AQR: variants seen among roughly 807,000 people sequenced by gnomAD.
AQR encodes the protein aquarius intron-binding spliceosomal factor.
Under a neutral mutation model 180.5 loss-of-function variants are expected in AQR, and 61 were observed. The observed-to-expected ratio is 0.34, with a 90% CI of 0.28 to 0.42. The LOEUF (loss-of-function observed/expected upper bound fraction) is 0.42, where lower values mean the gene tolerates loss of function less well. Ranked by LOEUF, AQR falls within the 10% of genes least tolerant of loss-of-function variation. AQR has a pLI of 1.00. For missense variants in AQR, 1,281 were observed against 1,798.3 expected (o/e 0.71, Z 5.20); for synonymous variants, 551 against 588.8 (o/e 0.94, Z 0.93).
At position 34,891,735 on chromosome 15, in the gene AQR, A is replaced by G. The variant is rs546600237; in HGVS notation, c.2572-1411T>C. ...TAGGTTTTTACAGAACAAATTTTAT[A>G]AACAGAAGAAAAAAACTTCTTTTCA... On this transcript the variant is annotated intron_variant, in intron 23 of 34. Transcript: ENST00000156471. 3.3e-5 allele frequency among the ~76,000 whole-genome samples: 5 copies of G among 151,354 alleles called. No homozygotes were observed. The South Asian group carries it at 1.0e-3, about 32-fold the overall frequency.
rs1406934909 is a variant in AQR at position 34,968,610 on chromosome 15, T to C, written c.75+929A>G. ...TGATATGATGAGATTTGCACTTGTA[T>C]GAAATCACTCGGAAAGCAACATGAA... On this transcript the variant is annotated intron_variant, in intron 1 of 34. Transcript: ENST00000156471. Among the ~76,000 whole-genome samples the C allele has an allele frequency of 2.6e-5, 4 of 152,040 alleles. No individual in the cohort carries two copies. The East Asian group carries it at 5.8e-4, about 22-fold the overall frequency.
At chr15:34,939,137 C>T (rs1387049359) in intron 8 of AQR, among the ~76,000 whole-genome samples, 1 of 152,096 alleles carries the variant, frequency 6.6e-6, no homozygotes, top group East Asian at 1.9e-4. Flanking sequence ...GGCGCGATTT[C>T]AGCTCACTGC....
chr15:34,960,786 A>G lies in AQR; in HGVS notation c.161T>C (p.Ile54Thr). 3 of 927,496 alleles carry G rather than the reference A, an allele frequency of 3.2e-6. No individual in the cohort carries two copies. Among genetic ancestry groups the G allele is most frequent in the Non-Finnish European group, 4.9e-6 (3 of 611,076 alleles). The allele number at this position is 927,496 out of a possible 1,614,324, so 57.5% of individuals were successfully genotyped here. ...AATTCATTCCTACCTTGATTTGACA[A>G]TCTCTTTTTCATATATATCTTCAAT... ...KVIEDIYEKE[I>T]VKSRFAIRKI... The change falls in exon 3 of 35, where the codon ATT (isoleucine) becomes ACT (threonine). Residue 54 changes from isoleucine to threonine, a missense_variant. Transcript: ENST00000156471.
At chr15:34,919,892 G>A (rs540535198) in intron 14 of AQR, among the ~76,000 whole-genome samples, 11 of 150,976 alleles carry the variant, frequency 7.3e-5, no homozygotes, top group African/African-American at 1.9e-4. Context: ...AGAGAGACTC[G>A]GTATCAAAAA....
In AQR at chr15:34,890,242, T is replaced by A. The variant is rs1893123268; in HGVS notation, c.2654A>T (p.Glu885Val). 1 of 1,613,478 alleles carries A rather than the reference T, an allele frequency of 6.2e-7. No individual in the cohort carries two copies. Among genetic ancestry groups the A allele is most frequent in the African/African-American group, 1.3e-5 (1 of 74,888 alleles). Residue 885 changes from glutamate (E) to valine (V), a missense_variant, in exon 24 of 35, where the codon GAG becomes GTG. Glu to Val is a moderately radical substitution (Grantham distance 121). This residue lies in a region of AQR where 31 missense variants were observed against 95.5 expected (regional missense o/e 0.32). Transcript: ENST00000156471. ...GCTGAAATCTTTCTCTGTCTCCAGC[T>A]CTTCTTCTCCATGACCAAGACGCAG... ...HLLRLGHGEE[E>V]LETEKDFSRY...
At chr15:34,949,972 TAAA>T (rs374857238) in intron 4 of AQR, among the ~76,000 whole-genome samples, 8 of 131,430 alleles carry the variant, frequency 6.1e-5, no homozygotes, top group Non-Finnish European at 6.3e-5. Context: ...TCTCCAAAAC[TAAA>T]AAAAAAAAAA....
chr15:34,926,084 G>A (rs185275232), intron 13 of AQR, among the ~76,000 whole-genome samples: 241 of 152,088 alleles, frequency 1.6e-3, no homozygotes, highest in African/African-American at 5.6e-3. Context: ...GGAGAATGGC[G>A]TGAACCCGGG....
At chr15:34,887,122 C>T (rs1893073201) in intron 24 of AQR, among the ~76,000 whole-genome samples, 1 of 147,890 alleles carries the variant, frequency 6.8e-6, no homozygotes, top group Non-Finnish European at 1.5e-5. Flanking sequence ...AAGACTCCGT[C>T]TCAAAAAAAA....
intron 8 of AQR, among the ~76,000 whole-genome samples, chr15:34,940,060 C>T (rs1303112436): frequency 1.3e-5 from 2 of 152,118 alleles, no homozygotes; most frequent in East Asian, 1.9e-4. Context: ...CAGATGAAAG[C>T]ACTATGATCT....
intron 4 of AQR, among the ~76,000 whole-genome samples, chr15:34,949,311 C>T (rs1298640432): frequency 1.6e-5 from 1 of 64,448 alleles, no homozygotes; most frequent in African/African-American, 3.0e-5. Context: ...CTTTAAGGCT[C>T]TTCTTAAAGT....
At chr15:34,948,919 A>G (rs1436929409) in intron 4 of AQR, among the ~76,000 whole-genome samples, 1 of 152,140 alleles carries the variant, frequency 6.6e-6, no homozygotes, top group Non-Finnish European at 1.5e-5. Flanking sequence ...ATAAATTCAA[A>G]TAAAAAGGTA....
Position 34,896,975 on chromosome 15 carries a change from A to G in AQR, c.2391-9T>C, listed in dbSNP as rs1893255090. On this transcript the variant is annotated splice_polypyrimidine_tract_variant and intron_variant, in intron 21 of 34. Transcript: ENST00000156471. ...TGAACTGAATCGTATTACTGCAAAT[A>G]AGAGTAAATAAAAAGTTGGTACAGA... 1 of 1,605,370 alleles carries G rather than the reference A, an allele frequency of 6.2e-7. No homozygotes were observed. The highest frequency in any genetic ancestry group is 1.7e-5 in the Admixed American group (1 of 59,784).
chr15:34,904,365 T>A lies in AQR; in HGVS notation c.1972A>T (p.Arg658Trp). Residue 658 changes from arginine (R) to tryptophan (W), a missense_variant, in exon 19 of 35, where the codon AGG (arginine) becomes TGG (tryptophan). Physicochemically the swap from Arg to Trp is moderately radical, Grantham distance 101. Transcript: ENST00000156471. ...AAGTTATTTTCCTTTGGTTTTCTCC[T>A]CATTATTATATTAAAAGTTTCATAC... Reference protein sequence around the residue: ...DVYETFNIIMRRKPKENNFKA... With the variant: ...DVYETFNIIMWRKPKENNFKA... 6.2e-7 allele frequency: 1 copy of A among 1,602,088 alleles called. No homozygotes were observed. Among genetic ancestry groups the A allele is most frequent in the Non-Finnish European group, 8.5e-7 (1 of 1,174,480 alleles).
intron 13 of AQR, among the ~76,000 whole-genome samples, chr15:34,926,350 C>A (rs1893763796): frequency 6.6e-6 from 1 of 152,066 alleles, no homozygotes; most frequent in Non-Finnish European, 1.5e-5. Context: ...AGGAACTAAA[C>A]ATAATTTATC....
intron 3 of AQR, among the ~76,000 whole-genome samples, chr15:34,958,132 C>A (rs1418930207): frequency 6.6e-6 from 1 of 152,032 alleles, no homozygotes; most frequent in Non-Finnish European, 1.5e-5. Context: ...GGCGTGGACC[C>A]GGGAGGCAGA....
At chr15:34,897,125 C>CA (rs1335389124) in intron 21 of AQR, among the ~76,000 whole-genome samples, 159 bp from the exon 22 acceptor site, 6 of 152,300 alleles carry the variant, frequency 3.9e-5, no homozygotes, top group African/African-American at 1.4e-4. Flanking sequence ...CCCCTCAACA[C>CA]AGACAATTAA....
At chr15:34,933,950 G>T (rs1893904657) in intron 10 of AQR, among the ~76,000 whole-genome samples, 1 of 152,026 alleles carries the variant, frequency 6.6e-6, no homozygotes, top group Non-Finnish European at 1.5e-5. Context: ...GTGAAACCCC[G>T]TCTCTACAAA....
At chr15:34,943,250 GA>G in intron 6 of AQR, 1 of 1,606,626 alleles carries the variant, frequency 6.2e-7, no homozygotes. Flanking sequence ...CAATTTTCTG[GA>G]AAAAGGCTAA....
In AQR at chr15:34,852,084, T is replaced by A. The variant is rs1034190715; in HGVS notation, c.*4708A>T. 3.9e-5 allele frequency: 6 copies of A among 152,066 alleles called. No individual in the cohort carries two copies. Among genetic ancestry groups the A allele is most frequent in the African/African-American group, 1.5e-4 (6 of 41,374 alleles). 9.4% of individuals were successfully genotyped at this position (152,066 alleles called of 1,614,324 possible). A position where few individuals can be genotyped will look rare whatever the true frequency, so the allele number is the denominator to read the frequency against. On this transcript the variant is annotated 3_prime_UTR_variant, in exon 35 of 35. Transcript: ENST00000156471. The stretch of plus-strand genomic sequence containing the variant: ...TCTGGTTACCTGTAGGGAAAAAAAA[T>A]GTATTTTGGGGCTTTATCTTTAAAG...
Sources: allele counts gnomAD v4.1 joint callset (sites outside exome capture counted in the v4.1 genomes callset), GRCh38; gene constraint gnomAD v4.1.1; regional missense constraint gnomAD v4.1.1; transcripts MANE v1.5; gene names NCBI Gene and HGNC (gene_info 2026-07-23, HGNC 2026-07-21).